Variants in ANKRD42 observed in about 807,000 individuals in gnomAD.
ANKRD42 encodes the protein ankyrin repeat domain 42, also known as ankyrin repeat domain-containing protein 42.
In ANKRD42, 43 loss-of-function variants were observed where a neutral mutation model predicts 51.5. The ratio of observed to expected loss-of-function variants is 0.83; its 90% CI spans 0.65 to 1.08. The LOEUF (loss-of-function observed/expected upper bound fraction) is 1.08, where lower values mean the gene tolerates loss of function less well. Ranked by LOEUF, ANKRD42 falls within the 50% of genes least tolerant of loss-of-function variation. The probability of loss-of-function intolerance (pLI) is 0.00; values close to 1 mark genes in which losing one functional copy is unlikely to be tolerated. For synonymous variants in ANKRD42, 203 were observed against 213.0 expected (o/e 0.95, Z 0.41); for missense variants, 608 against 629.3 (o/e 0.97, Z 0.36).
At chr11:83,261,126 T>A (rs1183939152), downstream of ANKRD42, 1 of 152,224 alleles carries the variant, frequency 6.6e-6, no homozygotes, top group East Asian at 1.9e-4. Context: ...TCTTGCTCTG[T>A]CACCCAGGCT....
At chr11:83,214,355 T>C in intron 5 of ANKRD42, 2 of 878,282 alleles carry the variant, frequency 2.3e-6, no homozygotes, top group East Asian at 1.2e-4. Context: ...GAACTGACTT[T>C]TCCGTGTGTA....
At chr11:83,257,561 A>G (rs1863796741), downstream of ANKRD42, among the ~76,000 whole-genome samples, 1 of 152,170 alleles carries the variant, frequency 6.6e-6, no homozygotes, top group Non-Finnish European at 1.5e-5. Flanking sequence ...TTTATAGAGA[A>G]AGTAGTTGTG....
intron 2 of ANKRD42, among the ~76,000 whole-genome samples, chr11:83,199,876 T>C (rs552600021): frequency 6.6e-6 from 1 of 152,314 alleles, no homozygotes; most frequent in African/African-American, 2.4e-5. Context: ...CTCACTTAAA[T>C]GTTATTATAA....
intron 1 of ANKRD42, among the ~76,000 whole-genome samples, chr11:83,196,744 G>T (rs973125445): frequency 6.6e-6 from 1 of 152,188 alleles, no homozygotes; most frequent in Non-Finnish European, 1.5e-5. Flanking sequence ...CCAGACTTAC[G>T]TTGAGTAGAT....
At chr11:83,245,966 A>C (rs1485277985) in intron 10 of ANKRD42, among the ~76,000 whole-genome samples, 3 of 152,190 alleles carry the variant, frequency 2.0e-5, no homozygotes, top group Non-Finnish European at 4.4e-5. Context: ...GCCCATTCAT[A>C]AATCTGAGAC....
chr11:83,204,354 T>TTTATCCTAAGTGAATTCAC (rs1371407415), intron 2 of ANKRD42, among the ~76,000 whole-genome samples: 3 of 152,214 alleles, frequency 2.0e-5, no homozygotes, highest in African/African-American at 7.2e-5. Flanking sequence ...AAATGAACCT[T>TTTATCCTAAGTGAATTCAC]TTATCCTAAG....
chr11:83,203,970 T>C (rs1861968709), intron 2 of ANKRD42, among the ~76,000 whole-genome samples: 1 of 152,000 alleles, frequency 6.6e-6, no homozygotes, highest in African/African-American at 2.4e-5. Flanking sequence ...CAAGACAGAG[T>C]CTGGTTCTGT....
intron 1 of ANKRD42, among the ~76,000 whole-genome samples, chr11:83,197,487 C>T (rs1861703229): frequency 1.3e-5 from 2 of 152,000 alleles, no homozygotes; most frequent in African/African-American, 2.4e-5. Flanking sequence ...ATTATTTTTG[C>T]CCTTAAGAAA....
chr11:83,210,213 A>C, intron 3 of ANKRD42, 87 bp from the exon 4 acceptor site: 1 of 1,335,812 alleles, frequency 7.5e-7, no homozygotes, highest in Middle Eastern at 1.9e-4. Flanking sequence ...TAGATTAATA[A>C]ATTGCTTGCC....
intron 6 of ANKRD42, among the ~76,000 whole-genome samples, chr11:83,225,981 C>T (rs1368358558): frequency 6.6e-6 from 1 of 152,102 alleles, no homozygotes; most frequent in Non-Finnish European, 1.5e-5. Context: ...TCTCAAACTC[C>T]TGGCCTCAAG....
chr11:83,226,847 C>A (rs1372955004), intron 6 of ANKRD42, among the ~76,000 whole-genome samples: 3 of 152,194 alleles, frequency 2.0e-5, no homozygotes, highest in African/African-American at 7.2e-5. Flanking sequence ...ATTTACATAG[C>A]ATTTCTATTG....
chr11:83,222,072 T>C (rs1478715637), intron 5 of ANKRD42, among the ~76,000 whole-genome samples: 1 of 152,244 alleles, frequency 6.6e-6, no homozygotes, highest in Non-Finnish European at 1.5e-5. Context: ...GGGAGACATG[T>C]CTTGGATATG....
At position 83,248,493 on chromosome 11, in the gene ANKRD42, T is replaced by C. The variant is rs1044704559; in HGVS notation, c.*289T>C. ...TCAGAATTCTAAGACAGCTAGAGGA[T>C]ATGTATATTTTAATATTCTAAATAA... is the stretch of plus-strand genomic sequence containing the variant. On this transcript the variant is annotated 3_prime_UTR_variant, in exon 11 of 11. Coordinates refer to ENST00000533342, the MANE Select transcript of ANKRD42 (RefSeq NM_001300975.2). The C allele has an allele frequency of 2.8e-5, 30 of 1,069,814 alleles. No individual in the cohort carries two copies. Among genetic ancestry groups the C allele is most frequent in the Middle Eastern group, 8.3e-4 (2 of 2,414 alleles). The allele number at this position is 1,069,814 out of a possible 1,614,324, so 66.3% of individuals were successfully genotyped here. A position where few individuals can be genotyped will look rare whatever the true frequency, so the allele number is the denominator to read the frequency against.
chr11:83,234,393 C>A (rs1170494537), intron 7 of ANKRD42, among the ~76,000 whole-genome samples: 1 of 152,164 alleles, frequency 6.6e-6, no homozygotes, highest in African/African-American at 2.4e-5. Flanking sequence ...AGAACTATGA[C>A]TTCTCCTTTT....
downstream of ANKRD42, among the ~76,000 whole-genome samples, chr11:83,252,304 G>T (rs573910120): frequency 3.7e-4 from 57 of 152,326 alleles, no homozygotes; most frequent in Admixed American, 1.4e-3. Context: ...ACCAGTGGTG[G>T]CAGTGTAAAT....
chr11:83,237,321 G>A (rs1418412633), intron 8 of ANKRD42, among the ~76,000 whole-genome samples: 1 of 152,222 alleles, frequency 6.6e-6, no homozygotes, highest in African/African-American at 2.4e-5. Flanking sequence ...TAATACAGAG[G>A]AAGGTAAAAG....
downstream of ANKRD42, among the ~76,000 whole-genome samples, chr11:83,263,504 A>G (rs372751921): frequency 1.3e-5 from 2 of 152,194 alleles, no homozygotes; most frequent in Non-Finnish European, 2.9e-5. Flanking sequence ...TGCCTGGTAC[A>G]TTTTAAGCAC....
At chr11:83,250,276 A>G (rs1863651868), downstream of ANKRD42, among the ~76,000 whole-genome samples, 1 of 152,192 alleles carries the variant, frequency 6.6e-6, no homozygotes, top group African/African-American at 2.4e-5. Context: ...TTACTGAGAA[A>G]AAAAATTATT....
intron 4 of ANKRD42, 82 bp downstream of exon 4, chr11:83,210,501 C>A: frequency 1.4e-6 from 2 of 1,473,702 alleles, no homozygotes; most frequent in East Asian, 2.4e-5. Context: ...CTCTTCCTGA[C>A]TTTTTAGATC....
Sources: gnomAD v4.1 joint callset for allele counts (sites outside exome capture counted in the v4.1 genomes callset) on GRCh38, gnomAD v4.1.1 for gene constraint, MANE v1.5 for transcripts, NCBI Gene and HGNC (gene_info 2026-07-23, HGNC 2026-07-21) for gene names.